Variants in KIAA1210 observed in about 807,000 individuals in gnomAD.
The protein encoded by KIAA1210 is acrosomal protein KIAA1210.
In KIAA1210, 48 loss-of-function variants were observed where a neutral mutation model predicts 78.9. The ratio of observed to expected loss-of-function variants is 0.61; its 90% CI spans 0.48 to 0.77. KIAA1210 has a LOEUF of 0.77. KIAA1210 is among the 30% of genes least tolerant of loss of function. The pLI, the probability that KIAA1210 is intolerant of heterozygous loss-of-function variation, is 0.00. For synonymous variants in KIAA1210, 406 were observed against 404.5 expected, an observed-to-expected ratio of 1.00 and a Z score of -0.04; for missense variants, 1,108 against 1,100.0, an observed-to-expected ratio of 1.01 and a Z score of -0.10.
intron 1 of KIAA1210, among the ~76,000 whole-genome samples, chrX:119,127,226 A>C (rs1928672339): frequency 9.0e-6 from 1 of 110,674 alleles, no homozygotes; most frequent in Admixed American, 9.7e-5. Flanking sequence ...TGGGGAAATA[A>C]ACTATCTTAG....
chrX:119,089,156 G>C lies in KIAA1210; in HGVS notation c.1546C>G (p.Gln516Glu), dbSNP rs1306518412. Residue 516 changes from glutamine (Q) to glutamate (E), a missense_variant, in exon 9 of 12, where the codon CAG becomes GAG. Gln to Glu is a conservative substitution (Grantham distance 29). This residue lies in a region of KIAA1210 where 672 missense variants were observed against 607.1 expected (regional missense o/e 1.11). Coordinates refer to ENST00000691062, the MANE Select transcript of KIAA1210 (RefSeq NM_001394962.1). ...ATATGAGAAGGATTCATAAACACCTGAGCCTCTGCTGCTACTGAGAGAATG... is the reference window on the plus strand; with the variant it reads ...ATATGAGAAGGATTCATAAACACCTCAGCCTCTGCTGCTACTGAGAGAATG... ...EAILSVAAEA[Q>E]VFMNPSHIQL... is the part of the protein sequence containing the mutation. 5.0e-6 allele frequency: 6 copies of C among 1,209,602 alleles called. No homozygotes were observed. In the African/African-American group the frequency reaches 8.7e-5, roughly 18 times the overall value.
At chrX:119,107,579 T>C (rs1218978725) in intron 5 of KIAA1210, among the ~76,000 whole-genome samples, 1 of 112,291 alleles carries the variant, frequency 8.9e-6, no homozygotes, top group Non-Finnish European at 1.9e-5. Context: ...TTAACAACTT[T>C]AGGGTCAACA....
intron 3 of KIAA1210, among the ~76,000 whole-genome samples, chrX:119,111,799 C>G (rs1928082307): frequency 9.0e-6 from 1 of 111,060 alleles, no homozygotes; most frequent in African/African-American, 3.3e-5. Context: ...AATATGAGAG[C>G]TAAAACTATA....
chrX:119,135,748 GA>G (rs954245014), intron 2 of KIAA1210, among the ~76,000 whole-genome samples: 14 of 111,460 alleles, frequency 1.3e-4, no homozygotes, highest in Non-Finnish European at 2.3e-4. Flanking sequence ...CTCCAAAGAG[GA>G]AAAAAAAGTA....
chrX:119,136,943 A>G (rs1402961969), intron 2 of KIAA1210, among the ~76,000 whole-genome samples: 1 of 111,297 alleles, frequency 9.0e-6, no homozygotes, highest in African/African-American at 3.3e-5. Context: ...CCTGGCCTAA[A>G]ATATCCACCA....
intron 1 of KIAA1210, among the ~76,000 whole-genome samples, chrX:119,125,735 A>ATATTTTTTT (rs5903546): frequency 7.0e-4 from 11 of 15,792 alleles, no homozygotes; most frequent in African/African-American, 2.9e-3. Flanking sequence ...ATATATATAT[A>ATATTTTTTT]TTTTTTTTTT....
intron 1 of KIAA1210, among the ~76,000 whole-genome samples, chrX:119,147,888 G>A (rs1184017704): frequency 8.9e-6 from 1 of 112,253 alleles, no homozygotes; most frequent in African/African-American, 3.2e-5. Context: ...GTTCATGCCC[G>A]TAATCCCAGG....
chrX:119,086,498 T>C lies in KIAA1210; in HGVS notation c.4156+48A>G, dbSNP rs1356494763. On this transcript the variant is annotated intron_variant, in intron 9 of 11. Transcript: ENST00000691062. The stretch of plus-strand genomic sequence containing the variant: ...CCCATTCAAGGCTTTGCTTTCCAGT[T>C]GTTTCCACTTGATATCTGCTTGCCA... 4 of 1,077,379 alleles carry C rather than the reference T, an allele frequency of 3.7e-6. No individual in the cohort carries two copies. In the East Asian group the frequency reaches 1.2e-4, roughly 33 times the overall value. The allele number at this position is 1,077,379 out of a possible 1,213,427, so 88.8% of individuals were successfully genotyped here. A position where few individuals can be genotyped will look rare whatever the true frequency, so the allele number is the denominator to read the frequency against.
At chrX:119,091,453 A>G (rs1023497491) in intron 8 of KIAA1210, among the ~76,000 whole-genome samples, 19 of 112,515 alleles carry the variant, frequency 1.7e-4, no homozygotes, top group Admixed American at 1.7e-3. Context: ...ACAATTCACA[A>G]TTGCAAGGAT....
In KIAA1210 at chrX:119,081,456, T is replaced by G. The variant is rs746139563; in HGVS notation, c.4475A>C (p.Glu1492Ala). ...TGGGAGAGTTGAAGATCGTTTGGTT[T>G]CTTTTTCCATGGCAGGAACTTGCAG... ...KILQVPAMEK[E>A]TKRSSTLPAK... is the part of the protein sequence containing the mutation. The change falls in exon 12 of 12, where the codon GAA (glutamate) becomes GCA (alanine). Residue 1492 changes from glutamate (E) to alanine (A), a missense_variant. Transcript: ENST00000691062. The G allele has an allele frequency of 1.7e-6, 2 of 1,210,114 alleles. No individual in the cohort carries two copies. The highest frequency in any genetic ancestry group is 2.2e-6 in the Non-Finnish European group (2 of 894,897).
At position 119,087,812 on chromosome X, in the gene KIAA1210, C is replaced by T. The variant is rs769417029; in HGVS notation, c.2890G>A (p.Glu964Lys). 19 of 1,209,925 alleles carry T rather than the reference C, an allele frequency of 1.6e-5. No individual in the cohort carries two copies. The highest frequency in any genetic ancestry group is 8.9e-5 in the East Asian group (3 of 33,795). ...ATGTCTGCCTCAATAGCAGCCCGCTCGAAATTTGAGGACAGTTGCTGGACT... is the reference window on the plus strand; with the variant it reads ...ATGTCTGCCTCAATAGCAGCCCGCTTGAAATTTGAGGACAGTTGCTGGACT... The part of the protein sequence containing the change: ...NKVQQLSSNF[E>K]RAAIEADISG... Residue 964 changes from glutamate to lysine, a missense_variant, in exon 9 of 12, where the codon GAG becomes AAG. By Grantham distance (56) the Glu-to-Lys change is moderately conservative. Transcript: ENST00000691062.
At chrX:119,143,774 C>A (rs112137660) in intron 2 of KIAA1210, among the ~76,000 whole-genome samples, 43 of 112,264 alleles carry the variant, frequency 3.8e-4, no homozygotes, top group African/African-American at 1.4e-3. Context: ...TTACTGAGGG[C>A]AACCTATGTG....
At chrX:119,150,355 T>A in exon 1 of KIAA1210, 2 of 1,207,624 alleles carry the variant, frequency 1.7e-6, no homozygotes, top group Non-Finnish European at 2.2e-6. Flanking sequence ...AACTAGGTAT[T>A]TCCAGGTCAG....
intron 2 of KIAA1210, among the ~76,000 whole-genome samples, chrX:119,121,081 G>A (rs1928442543): frequency 9.0e-6 from 1 of 111,534 alleles, no homozygotes; most frequent in African/African-American, 3.3e-5. Flanking sequence ...AGCCCTGGGA[G>A]TGAGATACAA....
intron 1 of KIAA1210, among the ~76,000 whole-genome samples, chrX:119,125,700 A>G (rs1205138780): frequency 2.4e-5 from 1 of 41,746 alleles, no homozygotes; most frequent in Non-Finnish European, 4.5e-5. Context: ...GTGCTCCACC[A>G]TGCCCAGCTA....
rs748050310 is a variant in KIAA1210, at chrX:119,108,552, T to A, written c.358-81A>T. 2.2e-4 allele frequency: 235 copies of A among 1,090,922 alleles called. 2 individuals carry two copies. The African/African-American group carries it at 3.7e-3, about 17-fold the overall frequency. 89.9% of individuals were successfully genotyped at this position (1,090,922 alleles called of 1,213,427 possible). ...TGGAATGTTGCTGCCAAAATAATTA[T>A]TCTTATGGTGTGTTAAGAGAAGTGA... On this transcript the variant is annotated intron_variant, in intron 4 of 11. Transcript: ENST00000691062.
chrX:119,123,489 G>A, intron 2 of KIAA1210, 93 bp downstream of exon 2: 2 of 644,617 alleles, frequency 3.1e-6, no homozygotes, highest in Non-Finnish European at 4.7e-6. Context: ...ATCTGAACTT[G>A]TTTTCTTGTG....
At chrX:119,109,245 A>G (rs1927997073) in intron 3 of KIAA1210, 43 bp from the exon 4 acceptor site, 1 of 1,147,985 alleles carries the variant, frequency 8.7e-7, no homozygotes, top group African/African-American at 1.8e-5. Context: ...CCCAAGGGCC[A>G]TGGGAACTGA....
intron 11 of KIAA1210, among the ~76,000 whole-genome samples, chrX:119,082,378 G>A (rs1052561374): frequency 2.7e-5 from 3 of 111,934 alleles, no homozygotes; most frequent in East Asian, 2.8e-4. Context: ...TTCTTCATGA[G>A]CGGGATTAAG....
Sources: gnomAD v4.1 joint callset for allele counts (sites outside exome capture counted in the v4.1 genomes callset) on GRCh38, gnomAD v4.1.1 for gene constraint, gnomAD v4.1.1 regional missense constraint, MANE v1.5 for transcripts, NCBI Gene and HGNC (gene_info 2026-07-23, HGNC 2026-07-21) for gene names.